Variants in CES5A observed in about 807,000 individuals in gnomAD.
CES5A encodes carboxylesterase 5.
Under a neutral mutation model 62.9 loss-of-function variants are expected in CES5A, and 67 were observed. That is an observed-to-expected ratio of 1.07 (90% CI 0.88 to 1.31). The LOEUF is 1.31. CES5A is among the 50% of genes most tolerant of loss of function. The probability of loss-of-function intolerance (pLI) is 0.00; values close to 1 mark genes in which losing one functional copy is unlikely to be tolerated. For synonymous variants in CES5A, 296 were observed against 280.8 expected, an observed-to-expected ratio of 1.05 and a Z score of -0.54; for missense variants, 748 against 708.5, an observed-to-expected ratio of 1.06 and a Z score of -0.63.
chr16:55,861,543 G>C, intron 6 of CES5A, 27 bp from the exon 7 acceptor site: 1 of 1,501,058 alleles, frequency 6.7e-7, no homozygotes, highest in Non-Finnish European at 9.3e-7. Context: ...GACCGGGTTA[G>C]AGCATGATAT....
At chr16:55,900,568 T>C (rs1567346769) in intron 1 of CES5A, among the ~76,000 whole-genome samples, 3 of 151,908 alleles carry the variant, frequency 2.0e-5, no homozygotes, top group South Asian at 2.1e-4. Context: ...CCAGGAAAAA[T>C]GAAATTGCAA....
At chr16:55,851,445 C>T (rs148911739) in intron 10 of CES5A, among the ~76,000 whole-genome samples, 385 of 152,294 alleles carry the variant, frequency 2.5e-3, no homozygotes, top group South Asian at 0.023. Flanking sequence ...TGAGATACTA[C>T]TTCAAACCCA....
At position 55,846,558 on chromosome 16, in the gene CES5A, T is replaced by C. The variant is rs1365528686; in HGVS notation, c.1621A>G (p.Ser541Gly). 3 of 1,614,028 alleles carry C rather than the reference T, an allele frequency of 1.9e-6. No homozygotes were observed. The highest frequency in any genetic ancestry group is 2.5e-6 in the Non-Finnish European group (3 of 1,180,032). Residue 541 changes from serine (S) to glycine (G), a missense_variant, in exon 13 of 13, where the codon AGC becomes GGC. Physicochemically the swap from Ser to Gly is moderately conservative, Grantham distance 56. Coordinates refer to ENST00000290567, the MANE Select transcript of CES5A (RefSeq NM_001143685.2). ...LKEPRVDFWT[S>G]TIPLILSASD... is the part of the protein sequence containing the mutation. Reference sequence around the variant, plus strand: ...GCAGACAGGATCAGGGGGATGGTGCTGGTCCAAAAATCCACCCGCGGTTCT... The same window carrying C: ...GCAGACAGGATCAGGGGGATGGTGCCGGTCCAAAAATCCACCCGCGGTTCT...
intron 1 of CES5A, among the ~76,000 whole-genome samples, chr16:55,922,561 T>A (rs1323855747): frequency 6.6e-6 from 1 of 151,914 alleles, no homozygotes; most frequent in African/African-American, 2.4e-5. Flanking sequence ...CATTAATAGA[T>A]CTAAAGGAAG....
At chr16:55,944,319 A>G (rs1250712308) in intron 2 of CES5A, 1 of 573,096 alleles carries the variant, frequency 1.7e-6, no homozygotes, top group Non-Finnish European at 3.1e-6. Context: ...CTAATGAAGT[A>G]AAAGGTAAGA....
At chr16:55,918,845 T>C (rs1252695453) in intron 1 of CES5A, among the ~76,000 whole-genome samples, 4 of 152,206 alleles carry the variant, frequency 2.6e-5, no homozygotes, top group African/African-American at 9.6e-5. Flanking sequence ...AGGCACCTCA[T>C]AGAATGATCA....
chr16:55,880,335 C>G (rs1350092050), upstream of CES5A, among the ~76,000 whole-genome samples: 2 of 152,130 alleles, frequency 1.3e-5, no homozygotes, highest in African/African-American at 4.8e-5. Flanking sequence ...CAGGAGGAAC[C>G]CTCAACAGAA....
intron 10 of CES5A, among the ~76,000 whole-genome samples, chr16:55,850,958 G>T (rs780683916): frequency 6.6e-6 from 1 of 152,098 alleles, no homozygotes; most frequent in Non-Finnish European, 1.5e-5. Flanking sequence ...AATAAAGGTA[G>T]ATTCTTCCCT....
chr16:55,881,337 C>T (rs1174686201), intron 1 of CES5A, among the ~76,000 whole-genome samples: 1 of 152,114 alleles, frequency 6.6e-6, no homozygotes, highest in African/African-American at 2.4e-5. Context: ...GTGAATGAAT[C>T]GCGTGATGTG....
chr16:55,846,814 G>GT lies in CES5A; in HGVS notation c.1449dup (p.Leu484ThrfsTer19). 6.2e-7 allele frequency: 1 copy of GT among 1,614,150 alleles called. No homozygotes were observed. The highest frequency in any genetic ancestry group is 8.5e-7 in the Non-Finnish European group (1 of 1,180,022). ...CAGTATTTCATCATCTTCCGGCTCA[G>GT]TAACTTCTCCTCCTCCGTGGCTCCT... On this transcript the variant is annotated frameshift_variant, in exon 12 of 13. Transcript: ENST00000290567. LOFTEE classifies it low-confidence loss of function (END_TRUNC).
intron 1 of CES5A, chr16:55,955,749 T>C: frequency 1.5e-6 from 2 of 1,349,036 alleles, no homozygotes; most frequent in Non-Finnish European, 2.0e-6. Context: ...CAAAGTTGGG[T>C]GGGTAAATTT....
intron 1 of CES5A, among the ~76,000 whole-genome samples, chr16:55,890,176 A>G (rs1158534740): frequency 6.6e-6 from 1 of 152,218 alleles, no homozygotes; most frequent in Non-Finnish European, 1.5e-5. Context: ...ATGGGAAGGT[A>G]GAGAAAGGCA....
At chr16:55,911,493 G>T (rs78439071) in intron 1 of CES5A, among the ~76,000 whole-genome samples, 1 of 152,278 alleles carries the variant, frequency 6.6e-6, no homozygotes, top group Admixed American at 6.5e-5. Context: ...AAACAAAGGT[G>T]CATGTCTTTC....
chr16:55,905,191 CA>C (rs1344435118), intron 1 of CES5A, among the ~76,000 whole-genome samples: 4 of 152,122 alleles, frequency 2.6e-5, no homozygotes, highest in Non-Finnish European at 4.4e-5. Context: ...CCTCCCCATC[CA>C]TTATGTTTCC....
intron 2 of CES5A, among the ~76,000 whole-genome samples, chr16:55,947,422 A>G (rs1435207960): frequency 1.3e-5 from 2 of 152,174 alleles, no homozygotes; most frequent in African/African-American, 4.8e-5. Context: ...TTAAAATTTC[A>G]TTTATTGACA....
Position 55,875,242 on chromosome 16 carries a change from T to G in CES5A, c.-21A>C. On this transcript the variant is annotated 5_prime_UTR_variant, in exon 1 of 13. Coordinates refer to ENST00000290567, the MANE Select transcript of CES5A (RefSeq NM_001143685.2). ...CTCATTTGGCTGCCTGCCTGCACTC[T>G]GTGAACATTGACGGCGGCTGCTGGC... The G allele has an allele frequency of 6.2e-7, 1 of 1,609,714 alleles. No individual in the cohort carries two copies.
chr16:55,947,277 C>G (rs2142484571), intron 2 of CES5A, among the ~76,000 whole-genome samples: 1 of 152,276 alleles, frequency 6.6e-6, no homozygotes. Flanking sequence ...CTTGTCCCAC[C>G]CCCTCAGCTT....
chr16:55,953,021 A>G lies in CES5A; in HGVS notation c.42+2823T>C, dbSNP rs547994460. Among the ~76,000 whole-genome samples, 13 of 152,328 alleles carry G rather than the reference A, an allele frequency of 8.5e-5. No homozygotes were observed. The East Asian group carries it at 2.5e-3, about 29-fold the overall frequency. ...ACAAAAATTCTATCTAAAGTATTAG[A>G]AAGTCAAAACTAATAAGGTATTAGG... On this transcript the variant is annotated intron_variant, in intron 1 of 13. Coordinates refer to the CES5A transcript ENST00000521992.
intron 1 of CES5A, among the ~76,000 whole-genome samples, chr16:55,881,044 T>C (rs1412670545): frequency 6.6e-6 from 1 of 152,152 alleles, no homozygotes; most frequent in African/African-American, 2.4e-5. Context: ...AGACGTGGAA[T>C]TGGGACATCT....
Sources: allele counts gnomAD v4.1 joint callset (sites outside exome capture counted in the v4.1 genomes callset), GRCh38; gene constraint gnomAD v4.1.1; transcripts MANE v1.5; gene names NCBI Gene and HGNC (gene_info 2026-07-23, HGNC 2026-07-21).